CTHRC1: variants seen among roughly 807,000 people sequenced by gnomAD.
The protein encoded by CTHRC1 is collagen triple helix repeat-containing protein 1.
A neutral mutation model predicts 25.9 loss-of-function variants in CTHRC1; 21 were observed. The observed-to-expected ratio is 0.81, with a 90% confidence interval of 0.57 to 1.17. The LOEUF (loss-of-function observed/expected upper bound fraction) is 1.17, where lower values mean the gene tolerates loss of function less well. Among genes scored for constraint, CTHRC1 ranks in the 50% most tolerant of loss-of-function variants. The pLI is 0.00. For missense variants in CTHRC1, 281 were observed against 304.3 expected (o/e 0.92, Z 0.57); for synonymous variants, 109 against 113.1 (o/e 0.96, Z 0.23).
chr8:103,373,798 T>C (rs1815756268), intron 1 of CTHRC1, among the ~76,000 whole-genome samples: 2 of 151,252 alleles, frequency 1.3e-5, no homozygotes, highest in South Asian at 4.2e-4. Flanking sequence ...CCAGTTGAGA[T>C]CCACTGATAT....
rs1815696388 is a variant in CTHRC1, at chr8:103,371,603, C to G, written c.-54C>G. The G allele has an allele frequency of 5.9e-6, 9 of 1,519,182 alleles. No individual in the cohort carries two copies. Among genetic ancestry groups the G allele is most frequent in the South Asian group, 2.5e-5 (2 of 81,454 alleles). The allele number at this position is 1,519,182 out of a possible 1,614,324, so 94.1% of individuals were successfully genotyped here. A position where few individuals can be genotyped will look rare whatever the true frequency, so the allele number is the denominator to read the frequency against. On this transcript the variant is annotated 5_prime_UTR_variant, in exon 1 of 4. Transcript: ENST00000330295. Reference sequence around the variant, plus strand: ...GGCGGAGCCAGACGCTGACCACGTTCCTCTCCTCGGTCTCCTCCGCCTCCA... The same window carrying G: ...GGCGGAGCCAGACGCTGACCACGTTGCTCTCCTCGGTCTCCTCCGCCTCCA...
intron 1 of CTHRC1, among the ~76,000 whole-genome samples, chr8:103,374,273 A>G (rs1815764488): frequency 6.6e-6 from 1 of 152,240 alleles, no homozygotes; most frequent in South Asian, 2.1e-4. Context: ...GGATTTTATC[A>G]TCCAATCCCA....
intron 1 of CTHRC1, among the ~76,000 whole-genome samples, chr8:103,372,968 C>T (rs1418156377): frequency 2.0e-5 from 3 of 152,174 alleles, no homozygotes; most frequent in Admixed American, 6.5e-5. Flanking sequence ...AAATTCCCGC[C>T]ATTTCACACA....
intron 1 of CTHRC1, among the ~76,000 whole-genome samples, chr8:103,375,115 A>G (rs1815781557): frequency 6.6e-6 from 1 of 152,122 alleles, no homozygotes; most frequent in Admixed American, 6.5e-5. Context: ...TTATCCAAGC[A>G]CTGCTTCCCC....
Position 103,378,063 on chromosome 8 carries a change from C to T in CTHRC1, c.409C>T (p.Leu137=), listed in dbSNP as rs370183649. ...TACAAAGATGCGTTCAAATAGTGCT[C>T]TAAGAGTTTTGTTCAGTGGCTCACT... ...TFTKMRSNSA[L]RVLFSGSLRL... is the part of the protein sequence containing the mutation. The change falls in exon 3 of 4, where the codon CTA becomes TTA. Residue 137 remains leucine, a synonymous_variant. Transcript: ENST00000330295. 6.2e-7 allele frequency: 1 copy of T among 1,614,088 alleles called. No homozygotes were observed. Among genetic ancestry groups the T allele is most frequent in the Admixed American group, 1.7e-5 (1 of 60,028 alleles).
intron 1 of CTHRC1, 40 bp downstream of exon 1, chr8:103,371,846 G>A (rs1269981827): frequency 1.4e-6 from 2 of 1,469,596 alleles, no homozygotes; most frequent in Non-Finnish European, 1.8e-6. Flanking sequence ...CCGCGCTGGT[G>A]GAGGGGACCT....
chr8:103,377,476 G>T (rs1229831285), intron 2 of CTHRC1, among the ~76,000 whole-genome samples: 2 of 152,144 alleles, frequency 1.3e-5, no homozygotes. Context: ...AAAACTGAAA[G>T]ATACCCTCAA....
chr8:103,379,639 G>T (rs1014841959), intron 3 of CTHRC1, among the ~76,000 whole-genome samples: 2 of 152,114 alleles, frequency 1.3e-5, no homozygotes, highest in Admixed American at 6.5e-5. Flanking sequence ...AGAAAAATAA[G>T]AAACTATACA....
At position 103,376,027 on chromosome 8, in the gene CTHRC1, G is replaced by C. The variant is rs779842417; in HGVS notation, c.372+68G>C. 2.1e-5 allele frequency: 26 copies of C among 1,262,714 alleles called. No individual in the cohort carries two copies. In the Admixed American group the frequency reaches 3.4e-4, roughly 16 times the overall value. The allele number at this position is 1,262,714 out of a possible 1,614,324, so 78.2% of individuals were successfully genotyped here. Reference sequence around the variant, plus strand: ...TTTCATATTTTAGTGTTAATTTTTAGGTGACATTTTATTTTTTTTTAACTA... The same window carrying C: ...TTTCATATTTTAGTGTTAATTTTTACGTGACATTTTATTTTTTTTTAACTA... On this transcript the variant is annotated intron_variant, in intron 2 of 3. Transcript: ENST00000330295.
At chr8:103,372,722 C>T in intron 1 of CTHRC1, 1 of 1,419,756 alleles carries the variant, frequency 7.0e-7, no homozygotes, top group Non-Finnish European at 9.7e-7. Flanking sequence ...CGGAGAGGTT[C>T]TCTGGCCTGT....
rs1815711470 is a variant in CTHRC1, at chr8:103,371,879, G to GC, written c.150+74dup. The GC allele has an allele frequency of 2.1e-6, 3 of 1,399,326 alleles. No homozygotes were observed. In the African/African-American group the frequency reaches 4.5e-5, roughly 21 times the overall value. 86.7% of individuals were successfully genotyped at this position (1,399,326 alleles called of 1,614,324 possible). The stretch of plus-strand genomic sequence containing the variant: ...CCTGGCCGCGCGCCCCACGGGCAGG[G>GC]CGTCAGTCTGGCTGTTGGGGGTGTC... On this transcript the variant is annotated intron_variant, in intron 1 of 3. Coordinates refer to ENST00000330295, the MANE Select transcript of CTHRC1 (RefSeq NM_138455.4).
chr8:103,374,230 C>A (rs1254635417), intron 1 of CTHRC1, among the ~76,000 whole-genome samples: 1 of 152,092 alleles, frequency 6.6e-6, no homozygotes, highest in Non-Finnish European at 1.5e-5. Context: ...AAGCATCAGT[C>A]TAATTATATA....
At chr8:103,381,085 CT>C (rs1449219427) in intron 3 of CTHRC1, among the ~76,000 whole-genome samples, 1 of 152,054 alleles carries the variant, frequency 6.6e-6, no homozygotes, top group Non-Finnish European at 1.5e-5. Context: ...GATTCATTTT[CT>C]TTTTTTTCTT....
intron 3 of CTHRC1, among the ~76,000 whole-genome samples, chr8:103,380,691 T>C (rs1407746478): frequency 2.0e-5 from 3 of 152,236 alleles, no homozygotes; most frequent in East Asian, 1.9e-4. Flanking sequence ...AAGTGACCAT[T>C]TGACTGTCCT....
In CTHRC1 at chr8:103,380,886, C is replaced by G. The variant is rs80346649; in HGVS notation, c.590-1572C>G. On this transcript the variant is annotated intron_variant, in intron 3 of 3. Coordinates refer to ENST00000330295, the MANE Select transcript of CTHRC1 (RefSeq NM_138455.4). ...ATTGTGGGCCTACTATTTAGTTCCC[C>G]CAACTTGGGAAGGGGACTGAACCAG... Among the ~76,000 whole-genome samples the G allele has an allele frequency of 4.2e-3, 632 of 152,266 alleles. 6 individuals carry two copies. The highest frequency in any genetic ancestry group is 6.5e-3 in the Admixed American group (99 of 15,298).
chr8:103,381,006 A>T (rs1016253918), intron 3 of CTHRC1, among the ~76,000 whole-genome samples: 1 of 152,218 alleles, frequency 6.6e-6, no homozygotes. Flanking sequence ...TCTGGGTCTC[A>T]GCAGGAATGC....
At chr8:103,377,757 C>T (rs913700667) in intron 2 of CTHRC1, among the ~76,000 whole-genome samples, 1 of 152,192 alleles carries the variant, frequency 6.6e-6, no homozygotes, top group Non-Finnish European at 1.5e-5. Context: ...GCGTGCGCCA[C>T]CACACCCAGC....
chr8:103,374,401 A>C (rs1013447464), intron 1 of CTHRC1, among the ~76,000 whole-genome samples: 1 of 152,248 alleles, frequency 6.6e-6, no homozygotes, highest in Non-Finnish European at 1.5e-5. Flanking sequence ...ACACAAATAG[A>C]GGAAATGTTA....
chr8:103,381,144 C>T (rs747206501), intron 3 of CTHRC1, among the ~76,000 whole-genome samples: 70 of 151,880 alleles, frequency 4.6e-4, no homozygotes, highest in African/African-American at 1.2e-3. Context: ...ATGTGCATAA[C>T]GTGCAGGTTT....
Sources: gnomAD v4.1 joint callset for allele counts (sites outside exome capture counted in the v4.1 genomes callset) on GRCh38, gnomAD v4.1.1 for gene constraint, MANE v1.5 for transcripts, NCBI Gene and HGNC (gene_info 2026-07-23, HGNC 2026-07-21) for gene names.